The following UBE2E2 variants were observed in gnomAD, a reference collection of about 807,000 sequenced individuals.
UBE2E2 encodes ubiquitin-conjugating enzyme E2 E2.
UBE2E2 carries 6 observed loss-of-function variants against 24.7 expected under a neutral mutation model. That is an observed-to-expected ratio of 0.24 (90% CI 0.13 to 0.48). UBE2E2 has a LOEUF of 0.48. Ranked by LOEUF, UBE2E2 falls within the 20% of genes least tolerant of loss-of-function variation. UBE2E2 has a pLI of 0.99. For missense variants in UBE2E2, 169 were observed against 245.0 expected, an observed-to-expected ratio of 0.69 and a Z score of 2.07; for synonymous variants, 104 against 83.6, an observed-to-expected ratio of 1.24 and a Z score of -1.33.
At chr3:23,309,554 A>G (rs547066661) in intron 3 of UBE2E2, among the ~76,000 whole-genome samples, 1 of 152,276 alleles carries the variant, frequency 6.6e-6, no homozygotes, top group South Asian at 2.1e-4. Context: ...GAATTGAGGC[A>G]TAGGCTGTTC....
intron 3 of UBE2E2, chr3:23,389,999 GATCTC>G (rs1314339929): frequency 2.6e-5 from 4 of 152,166 alleles, no homozygotes; most frequent in Non-Finnish European, 5.9e-5. Flanking sequence ...GTTCCTCATT[GATCTC>G]ATCTCAGGCA....
Position 23,550,765 on chromosome 3 carries a change from G to A in UBE2E2, c.508+18064G>A, listed in dbSNP as rs190341471. 1.4e-3 allele frequency among the ~76,000 whole-genome samples: 215 copies of A among 152,264 alleles called. 5 individuals carry two copies. In the East Asian group the frequency reaches 0.015, roughly 11 times the overall value. On this transcript the variant is annotated intron_variant, in intron 5 of 5. Coordinates refer to ENST00000396703, the MANE Select transcript of UBE2E2 (RefSeq NM_152653.4). ...CAGTTTCCAGGATACTGTACAAGGA[G>A]AAAGAAACCAAAGAGAGAGGCCAGC...
intron 3 of UBE2E2, among the ~76,000 whole-genome samples, chr3:23,363,247 C>T (rs1696168384): frequency 6.6e-6 from 1 of 152,218 alleles, no homozygotes; most frequent in Non-Finnish European, 1.5e-5. Flanking sequence ...ACAATCAAGT[C>T]TGTGTGATAA....
At chr3:23,562,974 G>A (rs1352388259) in intron 5 of UBE2E2, among the ~76,000 whole-genome samples, 1 of 151,910 alleles carries the variant, frequency 6.6e-6, no homozygotes, top group Admixed American at 6.6e-5. Context: ...ATCTTTATTA[G>A]TCTTGCTAGC....
At chr3:23,371,264 C>A (rs186818650) in intron 3 of UBE2E2, among the ~76,000 whole-genome samples, 13 of 152,232 alleles carry the variant, frequency 8.5e-5, no homozygotes, top group Admixed American at 2.0e-4. Flanking sequence ...CTCCAGACCT[C>A]AGGTAATCCT....
At chr3:23,576,992 G>A (rs1032196941) in intron 5 of UBE2E2, among the ~76,000 whole-genome samples, 3 of 151,566 alleles carry the variant, frequency 2.0e-5, no homozygotes, top group African/African-American at 7.3e-5. Flanking sequence ...CCAACAGCGT[G>A]TGCTCTTTCA....
At chr3:23,222,399 C>G (rs1044121643) in intron 3 of UBE2E2, among the ~76,000 whole-genome samples, 1 of 152,162 alleles carries the variant, frequency 6.6e-6, no homozygotes, top group African/African-American at 2.4e-5. Flanking sequence ...CAAATCTCAT[C>G]TTGAATTGTA....
intron 4 of UBE2E2, among the ~76,000 whole-genome samples, chr3:23,516,475 A>G (rs933078378): frequency 6.6e-6 from 1 of 152,210 alleles, no homozygotes. Context: ...AGCAGTATCT[A>G]TAACAAAAAA....
chr3:23,518,868 A>C (rs946878376), intron 4 of UBE2E2, among the ~76,000 whole-genome samples: 5 of 152,244 alleles, frequency 3.3e-5, no homozygotes, highest in Admixed American at 3.3e-4. Flanking sequence ...TATTCAAAGA[A>C]AATGGTATTA....
At chr3:23,581,229 T>A (rs1238692091) in intron 5 of UBE2E2, among the ~76,000 whole-genome samples, 1 of 151,988 alleles carries the variant, frequency 6.6e-6, no homozygotes, top group Non-Finnish European at 1.5e-5. Context: ...AGCTAATTTT[T>A]AAAAATTTAT....
intron 4 of UBE2E2, among the ~76,000 whole-genome samples, chr3:23,508,829 G>A (rs77061417): frequency 0.028 from 4,297 of 152,262 alleles, 213 homozygotes; most frequent in African/African-American, 0.096. Context: ...ATGTTCTTCC[G>A]CGGAGAAGTT....
chr3:23,250,948 C>G (rs1203935204), intron 3 of UBE2E2, among the ~76,000 whole-genome samples: 1 of 152,194 alleles, frequency 6.6e-6, no homozygotes, highest in Non-Finnish European at 1.5e-5. Context: ...ACCTTGAATT[C>G]CTGGGCTCAA....
intron 3 of UBE2E2, among the ~76,000 whole-genome samples, chr3:23,228,982 T>C (rs757393268): frequency 1.2e-5 from 1 of 82,958 alleles, no homozygotes; most frequent in Admixed American, 1.2e-4. Context: ...TATCGACCAT[T>C]TTTCCTCCAC....
At position 23,490,731 on chromosome 3, in the gene UBE2E2, TTAAG is replaced by T. The variant is rs1290125736; in HGVS notation, c.228-8874_228-8871del. ...CTGGGAAAAGGAAGTATTATGATGATTAAGTAGTAGTTATTTTTTCATTTAAAAT... is the reference window on the plus strand; with the variant it reads ...CTGGGAAAAGGAAGTATTATGATGATTAGTAGTTATTTTTTCATTTAAAAT... On this transcript the variant is annotated intron_variant, in intron 3 of 5. Coordinates refer to ENST00000396703, the MANE Select transcript of UBE2E2 (RefSeq NM_152653.4). Among the ~76,000 whole-genome samples the T allele has an allele frequency of 5.3e-5, 8 of 152,310 alleles. No individual in the cohort carries two copies. In the East Asian group the frequency reaches 7.7e-4, roughly 15 times the overall value.
chr3:23,580,357 C>T (rs572330523), intron 5 of UBE2E2, among the ~76,000 whole-genome samples: 79 of 152,188 alleles, frequency 5.2e-4, no homozygotes, highest in Non-Finnish European at 3.5e-4. Context: ...CCTTCAGTAA[C>T]CTGATCAGTC....
intron 3 of UBE2E2, among the ~76,000 whole-genome samples, chr3:23,356,950 G>A (rs1023711775): frequency 3.3e-5 from 5 of 152,212 alleles, no homozygotes; most frequent in African/African-American, 1.2e-4. Context: ...GTGTAACTGG[G>A]TGATTCTCTG....
intron 3 of UBE2E2, among the ~76,000 whole-genome samples, chr3:23,336,307 C>T (rs1406873125): frequency 6.6e-6 from 1 of 152,124 alleles, no homozygotes; most frequent in Non-Finnish European, 1.5e-5. Flanking sequence ...ATGTTACTTT[C>T]TGAGAAATAA....
chr3:23,570,988 G>A (rs1002640328), intron 5 of UBE2E2, among the ~76,000 whole-genome samples: 1 of 152,022 alleles, frequency 6.6e-6, no homozygotes, highest in South Asian at 2.1e-4. Context: ...TGCATTTCAA[G>A]TTGCCAACAT....
chr3:23,232,224 C>T (rs1696994368), intron 3 of UBE2E2, among the ~76,000 whole-genome samples: 1 of 152,168 alleles, frequency 6.6e-6, no homozygotes, highest in Non-Finnish European at 1.5e-5. Flanking sequence ...TCTTGGCATA[C>T]CAAAAGACAT....
Sources: gnomAD v4.1 joint callset for allele counts (sites outside exome capture counted in the v4.1 genomes callset) on GRCh38, gnomAD v4.1.1 for gene constraint, MANE v1.5 for transcripts, NCBI Gene and HGNC (gene_info 2026-07-23, HGNC 2026-07-21) for gene names.